Variants in ACAP2 observed in about 807,000 individuals in gnomAD.
ACAP2 encodes arf-GAP with coiled-coil, ANK repeat and PH domain-containing protein 2.
Under a neutral mutation model 115.8 loss-of-function variants are expected in ACAP2, and 39 were observed. That is an observed-to-expected ratio of 0.34 (90% confidence interval 0.26 to 0.44). The LOEUF is 0.44. Among genes scored for constraint, ACAP2 ranks in the 20% least tolerant of loss-of-function variants. ACAP2 has a pLI of 1.00. For synonymous variants in ACAP2, 289 were observed against 315.8 expected, an observed-to-expected ratio of 0.92 and a Z score of 0.90; for missense variants, 662 against 927.6, an observed-to-expected ratio of 0.71 and a Z score of 3.72.
rs1039572852 is a variant in ACAP2 at position 195,347,419 on chromosome 3, A to C, written c.286-2102T>G. On this transcript the variant is annotated intron_variant, in intron 4 of 22. Transcript: ENST00000326793. ...ATACCGATCTCAAAAATGTTATTCCAAGCAAAAGAAGTCACACATACACAC... is the reference window on the plus strand; with the variant it reads ...ATACCGATCTCAAAAATGTTATTCCCAGCAAAAGAAGTCACACATACACAC... 1.4e-4 allele frequency among the ~76,000 whole-genome samples: 21 copies of C among 152,202 alleles called. 1 individual carries two copies. Among genetic ancestry groups the C allele is most frequent in the Admixed American group, 5.2e-4 (8 of 15,274 alleles).
chr3:195,405,669 G>A (rs1283710912), intron 1 of ACAP2, among the ~76,000 whole-genome samples: 1 of 150,994 alleles, frequency 6.6e-6, no homozygotes, highest in Non-Finnish European at 1.5e-5. Flanking sequence ...CTAGGCAACA[G>A]AGTGAGACTC....
intron 1 of ACAP2, among the ~76,000 whole-genome samples, chr3:195,407,290 G>C (rs995372059): frequency 1.3e-4 from 19 of 151,242 alleles, no homozygotes; most frequent in Admixed American, 5.3e-4. Context: ...TTGAGCCCAA[G>C]AGTTTGAGAC....
At position 195,279,160 on chromosome 3, in the gene ACAP2, C is replaced by G. The variant is rs1726324368; in HGVS notation, c.*168G>C. On this transcript the variant is annotated 3_prime_UTR_variant, in exon 23 of 23. Coordinates refer to ENST00000326793, the MANE Select transcript of ACAP2 (RefSeq NM_012287.6). ...CCTAAACTAGGTTCCTCTCCTACTA[C>G]TAGATAACTATGTTTTAATTTATAA... 3 of 502,748 alleles carry G rather than the reference C, an allele frequency of 6.0e-6. No individual in the cohort carries two copies. The highest frequency in any genetic ancestry group is 4.0e-5 in the Admixed American group (1 of 25,074). 31.1% of individuals were successfully genotyped at this position (502,748 alleles called of 1,614,324 possible).
chr3:195,286,845 T>C (rs1271598796), intron 21 of ACAP2, among the ~76,000 whole-genome samples: 4 of 152,248 alleles, frequency 2.6e-5, no homozygotes, highest in Non-Finnish European at 4.4e-5. Context: ...CACTGCTATA[T>C]AGGTATTGCC....
At chr3:195,372,932 G>A (rs1262319555) in intron 4 of ACAP2, among the ~76,000 whole-genome samples, 6 of 134,386 alleles carry the variant, frequency 4.5e-5, no homozygotes, top group Non-Finnish European at 9.1e-5. Context: ...AGCTTGCAGT[G>A]AGCCAAGATG....
chr3:195,325,796 A>G (rs375695779), intron 9 of ACAP2, among the ~76,000 whole-genome samples: 1 of 152,186 alleles, frequency 6.6e-6, no homozygotes, highest in Admixed American at 6.5e-5. Flanking sequence ...TTACCCATGA[A>G]CACATCATAC....
chr3:195,434,628 A>G (rs1246385120), intron 1 of ACAP2, among the ~76,000 whole-genome samples: 2 of 152,216 alleles, frequency 1.3e-5, no homozygotes, highest in Non-Finnish European at 2.9e-5. Context: ...TTGAAAAGTG[A>G]TGTCTCCTCT....
intron 3 of ACAP2, 135 bp downstream of exon 3, chr3:195,381,768 A>T: frequency 1.0e-6 from 1 of 960,728 alleles, no homozygotes; most frequent in Non-Finnish European, 1.5e-6. Flanking sequence ...ACAAGAGAGC[A>T]CCAAGGGGTG....
At chr3:195,392,490 T>A (rs1734744455) in intron 1 of ACAP2, among the ~76,000 whole-genome samples, 1 of 152,232 alleles carries the variant, frequency 6.6e-6, no homozygotes, top group East Asian at 1.9e-4. Flanking sequence ...GATTTCTTGA[T>A]AACAAAACAC....
intron 4 of ACAP2, among the ~76,000 whole-genome samples, chr3:195,350,685 C>A (rs1480164522): frequency 1.3e-5 from 2 of 150,614 alleles, no homozygotes; most frequent in African/African-American, 4.9e-5. Context: ...GCAAAAAGAT[C>A]AATAAAGCAG....
At chr3:195,312,592 G>C (rs1422803903) in intron 10 of ACAP2, among the ~76,000 whole-genome samples, 2 of 151,794 alleles carry the variant, frequency 1.3e-5, no homozygotes, top group African/African-American at 2.4e-5. Flanking sequence ...TCAGCCTCTG[G>C]AGTAGCTGGG....
At chr3:195,425,393 G>A (rs1485993294) in intron 1 of ACAP2, among the ~76,000 whole-genome samples, 1 of 152,178 alleles carries the variant, frequency 6.6e-6, no homozygotes, top group Admixed American at 6.5e-5. Context: ...ATTATAGTAT[G>A]TTATGTGAAA....
chr3:195,401,114 T>G (rs957417929), intron 1 of ACAP2, among the ~76,000 whole-genome samples: 1 of 152,150 alleles, frequency 6.6e-6, no homozygotes, highest in Non-Finnish European at 1.5e-5. Flanking sequence ...ATTATCCTTT[T>G]CAGGAATTGG....
rs899292995 is a variant in ACAP2 at position 195,279,353 on chromosome 3, A to T, written c.2312T>A (p.Phe771Tyr). Reference protein sequence around the residue: ...ASNNPEKLNRFQQDSQKF With the variant: ...ASNNPEKLNRYQQDSQKF The stretch of plus-strand genomic sequence containing the variant: ...TCAGAATTTCTGTGAATCTTGCTGG[A>T]AACGATTTAGTTTCTCTGGATTATT... The change falls in exon 23 of 23, where the codon TTC (phenylalanine) becomes TAC (tyrosine). Residue 771 changes from phenylalanine (F) to tyrosine (Y), a missense_variant. Physicochemically the swap from Phe to Tyr is conservative, Grantham distance 22. This residue lies in a region of ACAP2 where 128 missense variants were observed against 200.2 expected (regional missense o/e 0.64). Coordinates refer to ENST00000326793, the MANE Select transcript of ACAP2 (RefSeq NM_012287.6). 2 of 1,604,328 alleles carry T rather than the reference A, an allele frequency of 1.2e-6. No homozygotes were observed. Among genetic ancestry groups the T allele is most frequent in the African/African-American group, 2.7e-5 (2 of 74,418 alleles).
chr3:195,306,708 T>G, intron 12 of ACAP2, 92 bp from the exon 13 acceptor site: 1 of 913,088 alleles, frequency 1.1e-6, no homozygotes, highest in South Asian at 1.7e-5. Context: ...TGCTATTTAA[T>G]AATTTTCTAG....
Position 195,344,275 on chromosome 3 carries a change from C to G in ACAP2, c.344+984G>C, listed in dbSNP as rs1464745755. On this transcript the variant is annotated intron_variant, in intron 5 of 22. Coordinates refer to ENST00000326793, the MANE Select transcript of ACAP2 (RefSeq NM_012287.6). Reference sequence around the variant, plus strand: ...AAACTGTAATACATAACCTCCAGAACAACAAATTCTAACCTATTAAAACAG... The same window carrying G: ...AAACTGTAATACATAACCTCCAGAAGAACAAATTCTAACCTATTAAAACAG... 2.0e-5 allele frequency among the ~76,000 whole-genome samples: 3 copies of G among 152,136 alleles called. No homozygotes were observed. In the East Asian group the frequency reaches 5.8e-4, roughly 29 times the overall value.
intron 1 of ACAP2, among the ~76,000 whole-genome samples, chr3:195,392,564 A>G (rs1734751089): frequency 6.6e-6 from 1 of 152,250 alleles, no homozygotes; most frequent in African/African-American, 2.4e-5. Flanking sequence ...GAAATAGCTC[A>G]GAACAATACC....
At chr3:195,380,817 C>T (rs1733891678) in intron 4 of ACAP2, among the ~76,000 whole-genome samples, 192 bp downstream of exon 4, 1 of 152,076 alleles carries the variant, frequency 6.6e-6, no homozygotes, top group East Asian at 1.9e-4. Context: ...TCTTCTTTCA[C>T]AGGCATGCAT....
chr3:195,331,485 G>A (rs1730163368), intron 8 of ACAP2, among the ~76,000 whole-genome samples: 1 of 151,548 alleles, frequency 6.6e-6, no homozygotes, highest in African/African-American at 2.4e-5. Context: ...GATAATTTTT[G>A]TATTTTTAGT....
Sources: gnomAD v4.1 joint callset for allele counts (sites outside exome capture counted in the v4.1 genomes callset) on GRCh38, gnomAD v4.1.1 for gene constraint, gnomAD v4.1.1 regional missense constraint, MANE v1.5 for transcripts, NCBI Gene and HGNC (gene_info 2026-07-23, HGNC 2026-07-21) for gene names.